ZDHHC14: variants seen among roughly 807,000 people sequenced by gnomAD.
ZDHHC14 encodes palmitoyltransferase ZDHHC14.
Under a neutral mutation model 47.7 loss-of-function variants are expected in ZDHHC14, and 16 were observed. The observed-to-expected ratio is 0.34, with a 90% CI of 0.23 to 0.51. The LOEUF is 0.51. Among genes scored for constraint, ZDHHC14 ranks in the 20% least tolerant of loss-of-function variants. ZDHHC14 has a pLI of 0.97. For synonymous variants in ZDHHC14, 293 were observed against 278.9 expected, an observed-to-expected ratio of 1.05 and a Z score of -0.50; for missense variants, 515 against 662.5, an observed-to-expected ratio of 0.78 and a Z score of 2.44.
intron 3 of ZDHHC14, among the ~76,000 whole-genome samples, chr6:157,621,685 C>G (rs561805616): frequency 2.6e-5 from 4 of 152,158 alleles, no homozygotes; most frequent in African/African-American, 9.7e-5. Flanking sequence ...TGTTAGAACC[C>G]GACTTCTGGG....
At chr6:157,619,461 A>G (rs972279040) in intron 3 of ZDHHC14, among the ~76,000 whole-genome samples, 7 of 152,182 alleles carry the variant, frequency 4.6e-5, no homozygotes, top group South Asian at 2.1e-4. Context: ...AAAATTGCCT[A>G]TTTGGGGAGC....
intron 1 of ZDHHC14, among the ~76,000 whole-genome samples, chr6:157,476,030 A>G (rs1211318394): frequency 6.6e-6 from 1 of 152,150 alleles, no homozygotes; most frequent in African/African-American, 2.4e-5. Flanking sequence ...ACAACTTAAC[A>G]TTAACCTCAA....
chr6:157,383,989 G>A (rs1777264712), intron 1 of ZDHHC14, among the ~76,000 whole-genome samples: 2 of 152,296 alleles, frequency 1.3e-5, no homozygotes, highest in Admixed American at 6.5e-5. Flanking sequence ...CACTGGAAGC[G>A]TGATGCCATG....
chr6:157,607,205 A>C (rs1263395713), intron 3 of ZDHHC14, among the ~76,000 whole-genome samples: 1 of 152,138 alleles, frequency 6.6e-6, no homozygotes, highest in Admixed American at 6.5e-5. Context: ...TTCATCACAC[A>C]CACAAGAAAT....
At chr6:157,636,505 C>G (rs1583053548) in intron 5 of ZDHHC14, among the ~76,000 whole-genome samples, 1 of 152,306 alleles carries the variant, frequency 6.6e-6, no homozygotes, top group East Asian at 1.9e-4. Context: ...CCCATCCTCA[C>G]TTCCCTCCTG....
intron 1 of ZDHHC14, among the ~76,000 whole-genome samples, chr6:157,529,919 T>G (rs1023800128): frequency 6.6e-6 from 1 of 152,190 alleles, no homozygotes; most frequent in Non-Finnish European, 1.5e-5. Flanking sequence ...GAACCTCTTA[T>G]AAGTCTTATC....
chr6:157,610,077 G>A (rs770529257), intron 3 of ZDHHC14, among the ~76,000 whole-genome samples: 7 of 152,166 alleles, frequency 4.6e-5, no homozygotes, highest in Non-Finnish European at 8.8e-5. Context: ...AGAGGCCCAC[G>A]CAGTGACCCC....
intron 3 of ZDHHC14, among the ~76,000 whole-genome samples, chr6:157,614,659 A>G (rs1196420998): frequency 6.6e-6 from 1 of 152,176 alleles, no homozygotes; most frequent in Non-Finnish European, 1.5e-5. Context: ...CCAGGCCGTA[A>G]CACTATGGCA....
intron 2 of ZDHHC14, 159 bp from the exon 3 acceptor site, chr6:157,592,829 G>A (rs1783967328): frequency 5.5e-6 from 8 of 1,445,492 alleles, no homozygotes; most frequent in Non-Finnish European, 7.3e-6. Context: ...CCCAGCGGAG[G>A]GTGAGTCCCA....
chr6:157,540,525 A>G (rs1781705560), intron 1 of ZDHHC14, among the ~76,000 whole-genome samples: 1 of 152,176 alleles, frequency 6.6e-6, no homozygotes, highest in African/African-American at 2.4e-5. Context: ...TCCTTGGAGA[A>G]GCTCCATAGA....
In ZDHHC14 at chr6:157,672,338, G is replaced by A. The variant is rs143674475; in HGVS notation, c.1069-386G>A. Among the ~76,000 whole-genome samples the A allele has an allele frequency of 1.5e-3, 230 of 152,226 alleles. 1 individual carries two copies. The highest frequency in any genetic ancestry group is 5.0e-3 in the African/African-American group (207 of 41,522). On this transcript the variant is annotated intron_variant, in intron 8 of 8. Coordinates refer to ENST00000359775, the MANE Select transcript of ZDHHC14 (RefSeq NM_024630.3). ...ACTCCTGTATTTTTAAAACAATGTGGTTTAAAAAATGGTTTTCAGCATACA... is the reference window on the plus strand; with the variant it reads ...ACTCCTGTATTTTTAAAACAATGTGATTTAAAAAATGGTTTTCAGCATACA...
At chr6:157,525,193 C>T (rs1781113831) in intron 1 of ZDHHC14, among the ~76,000 whole-genome samples, 1 of 152,136 alleles carries the variant, frequency 6.6e-6, no homozygotes. Flanking sequence ...CAGAGTCTCA[C>T]CCTGTCACCC....
At chr6:157,635,050 C>G (rs1776906264) in intron 5 of ZDHHC14, among the ~76,000 whole-genome samples, 1 of 151,902 alleles carries the variant, frequency 6.6e-6, no homozygotes, top group East Asian at 1.9e-4. Context: ...CTGGAGTGCA[C>G]TGGCACGATC....
At chr6:157,589,506 G>A (rs1783825311) in intron 2 of ZDHHC14, among the ~76,000 whole-genome samples, 1 of 152,070 alleles carries the variant, frequency 6.6e-6, no homozygotes, top group East Asian at 1.9e-4. Context: ...TTGAATCATG[G>A]GGGTGGTTAC....
chr6:157,541,593 C>T (rs1470586173), intron 1 of ZDHHC14, among the ~76,000 whole-genome samples: 1 of 152,150 alleles, frequency 6.6e-6, no homozygotes, highest in Non-Finnish European at 1.5e-5. Context: ...GTCCTAATTC[C>T]GTGATTCTGC....
intron 2 of ZDHHC14, among the ~76,000 whole-genome samples, chr6:157,544,173 A>T (rs1434569908): frequency 6.6e-6 from 1 of 152,218 alleles, no homozygotes; most frequent in Non-Finnish European, 1.5e-5. Flanking sequence ...GTTTCCTTCA[A>T]AACTGTATGG....
chr6:157,645,842 A>C lies in ZDHHC14; in HGVS notation c.855+3A>C. 1 of 1,613,548 alleles carries C rather than the reference A, an allele frequency of 6.2e-7. No individual in the cohort carries two copies. The highest frequency in any genetic ancestry group is 1.3e-5 in the African/African-American group (1 of 75,014). On this transcript the variant is annotated splice_donor_region_variant and intron_variant, in intron 6 of 8. Coordinates refer to ENST00000359775, the MANE Select transcript of ZDHHC14 (RefSeq NM_024630.3). ...CCAACCAGACAACAAATGAGGACGT[A>C]AGTTCCTGACCACACGGGACACGGG...
At chr6:157,553,823 G>A (rs1782345023) in intron 2 of ZDHHC14, among the ~76,000 whole-genome samples, 1 of 152,190 alleles carries the variant, frequency 6.6e-6, no homozygotes, top group Admixed American at 6.5e-5. Flanking sequence ...CTACCATGTA[G>A]TTGAAAGTCT....
At chr6:157,572,614 AGGTATATCT>A in intron 2 of ZDHHC14, among the ~76,000 whole-genome samples, 1 of 150,228 alleles carries the variant, frequency 6.7e-6, no homozygotes, top group African/African-American at 2.4e-5. Context: ...ATTTAGCATT[AGGTATATCT>A]CCTAATGCTA....
Sources: allele counts gnomAD v4.1 joint callset (sites outside exome capture counted in the v4.1 genomes callset), GRCh38; gene constraint gnomAD v4.1.1; transcripts MANE v1.5; gene names NCBI Gene and HGNC (gene_info 2026-07-23, HGNC 2026-07-21).